FRAS1: variants seen among roughly 807,000 people sequenced by gnomAD.
FRAS1 encodes Fraser extracellular matrix complex subunit 1.
Under a neutral mutation model 435.2 loss-of-function variants are expected in FRAS1, and 290 were observed. That is an observed-to-expected ratio of 0.67 (90% CI 0.61 to 0.73). FRAS1 has a LOEUF of 0.73. FRAS1 is among the 30% of genes least tolerant of loss of function. The pLI is 0.00. For missense variants in FRAS1, 4,860 were observed against 5,001.5 expected (o/e 0.97, Z 0.85); for synonymous variants, 1,800 against 1,851.0 (o/e 0.97, Z 0.71).
chr4:78,413,357 C>T (rs1463899558), intron 32 of FRAS1, among the ~76,000 whole-genome samples: 3 of 152,160 alleles, frequency 2.0e-5, no homozygotes, highest in African/African-American at 7.2e-5. Flanking sequence ...CAGGGGTCCT[C>T]CTTGAAAATT....
At position 78,182,058 on chromosome 4, in the gene FRAS1, G is replaced by T. The variant is rs1020868214; in HGVS notation, c.109-55452G>T. 5 of 1,507,498 alleles carry T rather than the reference G, an allele frequency of 3.3e-6. No individual in the cohort carries two copies. In the African/African-American group the frequency reaches 4.2e-5, roughly 13 times the overall value. 93.4% of individuals were successfully genotyped at this position (1,507,498 alleles called of 1,614,324 possible). ...AAGTGCCCAGGCATGATGGTGGCTCGGCGGCGGGTTCCTCTACGGATTGCA... is the reference window on the plus strand; with the variant it reads ...AAGTGCCCAGGCATGATGGTGGCTCTGCGGCGGGTTCCTCTACGGATTGCA... On this transcript the variant is annotated intron_variant, in intron 2 of 73. Coordinates refer to ENST00000512123, the MANE Select transcript of FRAS1 (RefSeq NM_025074.7).
intron 3 of FRAS1, among the ~76,000 whole-genome samples, chr4:78,243,217 TATGCATATATGTA>T (rs921877812): frequency 1.3e-5 from 2 of 152,182 alleles, no homozygotes; most frequent in African/African-American, 4.8e-5. Flanking sequence ...TATCTATATG[TATGCATATATGTA>T]GTATGCATAT....
chr4:78,479,400 A>G lies in FRAS1; in HGVS notation c.8125A>G (p.Ile2709Val), dbSNP rs762129626. The G allele has an allele frequency of 3.3e-6, 5 of 1,503,180 alleles. No homozygotes were observed. Among genetic ancestry groups the G allele is most frequent in the Non-Finnish European group, 4.5e-6 (5 of 1,122,754 alleles). 93.1% of individuals were successfully genotyped at this position (1,503,180 alleles called of 1,614,324 possible). A position where few individuals can be genotyped will look rare whatever the true frequency, so the allele number is the denominator to read the frequency against. ...KGDASSIVSA[I>V]CYTVPKSAMG... ...AGATGCAAGCAGCATTGTATCTGCAATTTGCTACACAGTCCCTAAGTCAGC... is the reference window on the plus strand; with the variant it reads ...AGATGCAAGCAGCATTGTATCTGCAGTTTGCTACACAGTCCCTAAGTCAGC... Residue 2709 changes from isoleucine to valine, a missense_variant, in exon 56 of 74, where the codon ATT becomes GTT. Ile to Val is a conservative substitution (Grantham distance 29). Transcript: ENST00000512123.
At chr4:78,133,361 T>C (rs998817565) in intron 2 of FRAS1, among the ~76,000 whole-genome samples, 2 of 151,432 alleles carry the variant, frequency 1.3e-5, no homozygotes, top group African/African-American at 2.4e-5. Flanking sequence ...GAAGGATGTT[T>C]ACCAGAGGCT....
chr4:78,309,588 C>A (rs1319353682), intron 15 of FRAS1, among the ~76,000 whole-genome samples: 2 of 152,178 alleles, frequency 1.3e-5, no homozygotes, highest in African/African-American at 4.8e-5. Flanking sequence ...GATCTTCTGG[C>A]TCTGGGCCTT....
At chr4:78,509,436 A>T (rs1474909223) in intron 63 of FRAS1, among the ~76,000 whole-genome samples, 3 of 151,660 alleles carry the variant, frequency 2.0e-5, no homozygotes, top group African/African-American at 7.3e-5. Context: ...ATTAACACAT[A>T]ACTCCTTATG....
rs772977288 is a variant in FRAS1 at position 78,496,961 on chromosome 4, G to A, written c.9115G>A (p.Ala3039Thr). 6.2e-7 allele frequency: 1 copy of A among 1,610,332 alleles called. No homozygotes were observed. The highest frequency in any genetic ancestry group is 1.3e-5 in the African/African-American group (1 of 74,880). ...CATCACCATATCCAATGATGAAGAT[G>A]GTAACAGAAGAAATTATCTTTAGTT... ...ATITISNDED[A>T]PTIEFEEAAY... is the part of the protein sequence containing the mutation. Residue 3039 changes from alanine to threonine, a missense_variant and splice_region_variant, in exon 60 of 74, where the codon GCC becomes ACC. Physicochemically the swap from Ala to Thr is moderately conservative, Grantham distance 58. Coordinates refer to ENST00000512123, the MANE Select transcript of FRAS1 (RefSeq NM_025074.7).
chr4:78,289,955 G>T lies in FRAS1; in HGVS notation c.1534+3416G>T, dbSNP rs192224499. On this transcript the variant is annotated intron_variant, in intron 14 of 73. Coordinates refer to ENST00000512123, the MANE Select transcript of FRAS1 (RefSeq NM_025074.7). The stretch of plus-strand genomic sequence containing the variant: ...CCATTGAGTCATCTTAAAAACTCAG[G>T]TATTAAATCTAAACTGGATCCAGGT... 6.0e-3 allele frequency among the ~76,000 whole-genome samples: 910 copies of T among 152,184 alleles called. 34 individuals carry two copies. Among genetic ancestry groups the T allele is most frequent in the Admixed American group, 0.046 (696 of 15,280 alleles).
chr4:78,247,207 C>T (rs1184663085), intron 4 of FRAS1, among the ~76,000 whole-genome samples: 1 of 152,026 alleles, frequency 6.6e-6, no homozygotes, highest in Non-Finnish European at 1.5e-5. Flanking sequence ...CTTTCTTCTC[C>T]CCACTTCCCT....
chr4:78,067,356 T>C (rs1560505321), intron 2 of FRAS1, among the ~76,000 whole-genome samples: 1 of 152,148 alleles, frequency 6.6e-6, no homozygotes, highest in Non-Finnish European at 1.5e-5. Context: ...GTTCTGCCTA[T>C]ATGTGAAAAA....
intron 9 of FRAS1, among the ~76,000 whole-genome samples, chr4:78,270,349 A>G (rs1018202548): frequency 3.9e-5 from 6 of 152,198 alleles, no homozygotes; most frequent in African/African-American, 7.2e-5. Flanking sequence ...TACATCCACC[A>G]GTCCAAAGAC....
chr4:78,117,866 C>T (rs759185975), intron 2 of FRAS1, among the ~76,000 whole-genome samples: 1 of 152,258 alleles, frequency 6.6e-6, no homozygotes, highest in African/African-American at 2.4e-5. Context: ...TGTTCCATTG[C>T]TGGTGAGGAG....
At chr4:78,307,845 C>G (rs535049337) in intron 14 of FRAS1, among the ~76,000 whole-genome samples, 1 of 152,304 alleles carries the variant, frequency 6.6e-6, no homozygotes, top group East Asian at 1.9e-4. Context: ...AGCTGTAGGC[C>G]GGAGCTGTTC....
rs546788872 is a variant in FRAS1 at position 78,120,883 on chromosome 4, G to T, written c.108+54867G>T. On this transcript the variant is annotated intron_variant, in intron 2 of 73. Coordinates refer to ENST00000512123, the MANE Select transcript of FRAS1 (RefSeq NM_025074.7). Reference sequence around the variant, plus strand: ...CCAAATCTGGAGTAGTGATACAGGTGGGGGGGATGGAGTTACAGTAGTTCT... The same window carrying T: ...CCAAATCTGGAGTAGTGATACAGGTTGGGGGGATGGAGTTACAGTAGTTCT... Among the ~76,000 whole-genome samples the T allele has an allele frequency of 5.9e-5, 9 of 152,226 alleles. 1 individual carries two copies. The South Asian group carries it at 8.3e-4, about 14-fold the overall frequency.
chr4:78,116,437 G>C (rs943129729), intron 2 of FRAS1, among the ~76,000 whole-genome samples: 5 of 152,160 alleles, frequency 3.3e-5, no homozygotes, highest in African/African-American at 1.2e-4. Flanking sequence ...GGGTGTTAAA[G>C]TTTCCCATTA....
chr4:78,482,250 G>A, intron 57 of FRAS1, 138 bp from the exon 58 acceptor site: 1 of 965,326 alleles, frequency 1.0e-6, no homozygotes, highest in Non-Finnish European at 1.6e-6. Flanking sequence ...ATGTAATAAA[G>A]AGATCATCAT....
chr4:78,068,574 G>A (rs1205375885), intron 2 of FRAS1: 1 of 456,124 alleles, frequency 2.2e-6, no homozygotes, highest in Non-Finnish European at 4.4e-6. Context: ...AGCCATTGGA[G>A]GTGCCAGAGA....
intron 9 of FRAS1, among the ~76,000 whole-genome samples, chr4:78,275,489 A>G (rs1282211378): frequency 2.0e-5 from 3 of 151,972 alleles, no homozygotes; most frequent in Admixed American, 2.0e-4. Context: ...TTCCTTCAGG[A>G]GCTCTTTTAG....
Position 78,337,696 on chromosome 4 carries a change from G to C in FRAS1, c.2301G>C (p.Gln767His). ...SCTECHPTCR[Q>H]CHGPLESDCI... ...CAGAGTGTCACCCAACCTGCAGGCA[G>C]TGTCATGGGCCGTTGGAGTCTGACT... Residue 767 changes from glutamine (Q) to histidine (H), a missense_variant, in exon 20 of 74, where the codon CAG (glutamine) becomes CAC (histidine). Coordinates refer to ENST00000512123, the MANE Select transcript of FRAS1 (RefSeq NM_025074.7). The C allele has an allele frequency of 6.2e-7, 1 of 1,613,346 alleles. No homozygotes were observed.
Sources: allele counts gnomAD v4.1 joint callset (sites outside exome capture counted in the v4.1 genomes callset), GRCh38; gene constraint gnomAD v4.1.1; transcripts MANE v1.5; gene names NCBI Gene and HGNC (gene_info 2026-07-23, HGNC 2026-07-21).